Variants in GABRA2 observed in about 807,000 individuals in gnomAD.
GABRA2 encodes the protein gamma-aminobutyric acid receptor subunit alpha-2.
Under a neutral mutation model 48.7 loss-of-function variants are expected in GABRA2, and 16 were observed. The ratio of observed to expected loss-of-function variants is 0.33; its 90% CI spans 0.22 to 0.50. GABRA2 has a LOEUF of 0.50. Ranked by LOEUF, GABRA2 falls within the 20% of genes least tolerant of loss-of-function variation. The probability of loss-of-function intolerance (pLI) is 0.98; values close to 1 mark genes in which losing one functional copy is unlikely to be tolerated. For missense variants in GABRA2, 275 were observed against 535.6 expected, an observed-to-expected ratio of 0.51 and a Z score of 4.80; for synonymous variants, 185 against 184.5, an observed-to-expected ratio of 1.00 and a Z score of -0.02.
intron 3 of GABRA2, among the ~76,000 whole-genome samples, chr4:46,373,022 C>T (rs1439039314): frequency 6.6e-6 from 1 of 152,194 alleles, no homozygotes; most frequent in African/African-American, 2.4e-5. Flanking sequence ...AGTGGCAACA[C>T]AGGCAGAAAT....
At chr4:46,332,390 A>T (rs1042136387) in intron 4 of GABRA2, among the ~76,000 whole-genome samples, 86 of 152,274 alleles carry the variant, frequency 5.6e-4, no homozygotes, top group African/African-American at 2.0e-3. Context: ...GTAGTTAGGT[A>T]GACATGTTTT....
chr4:46,292,046 G>A (rs2196882), intron 8 of GABRA2, among the ~76,000 whole-genome samples: 1 of 151,382 alleles, frequency 6.6e-6, no homozygotes, highest in Non-Finnish European at 1.5e-5. Flanking sequence ...AGAGAGTTAC[G>A]CCAAATGAGT....
intron 8 of GABRA2, among the ~76,000 whole-genome samples, chr4:46,265,436 A>G (rs2109368282): frequency 7.5e-6 from 1 of 133,670 alleles, no homozygotes; most frequent in African/African-American, 3.4e-5. Flanking sequence ...GTATATATAT[A>G]TAATATATTG....
chr4:46,382,112 C>CA (rs1020040597), intron 3 of GABRA2, among the ~76,000 whole-genome samples: 60 of 151,884 alleles, frequency 4.0e-4, no homozygotes, highest in Admixed American at 1.2e-3. Flanking sequence ...ATAGAGCATA[C>CA]ATTCTAGCAA....
chr4:46,292,367 C>T (rs761724632), intron 8 of GABRA2, among the ~76,000 whole-genome samples: 14 of 151,826 alleles, frequency 9.2e-5, no homozygotes, highest in African/African-American at 1.9e-4. Context: ...TGACCTGCAA[C>T]GAAAGGTGCA....
chr4:46,248,208 A>C lies in GABRA2; in HGVS notation c.*2100T>G, dbSNP rs1444559218. On this transcript the variant is annotated 3_prime_UTR_variant, in exon 10 of 10. Coordinates refer to ENST00000381620, the MANE Select transcript of GABRA2 (RefSeq NM_000807.4). ...GGGGGCAATGCGGACTTTACAAGAC[A>C]AATATTCTTAAAGTATCTAATAATG... 1.3e-5 allele frequency among the ~76,000 whole-genome samples: 2 copies of C among 151,352 alleles called. No homozygotes were observed. Among genetic ancestry groups the C allele is most frequent in the African/African-American group, 2.4e-5 (1 of 41,370 alleles).
chr4:46,296,890 T>C (rs1440482939), intron 8 of GABRA2, among the ~76,000 whole-genome samples: 1 of 152,216 alleles, frequency 6.6e-6, no homozygotes, highest in African/African-American at 2.4e-5. Flanking sequence ...TCGTTTTTCA[T>C]GCTGTACAAG....
At chr4:46,261,589 T>C in intron 9 of GABRA2, 1 of 395,872 alleles carries the variant, frequency 2.5e-6, no homozygotes, top group Non-Finnish European at 4.6e-6. Context: ...AAAATAACTT[T>C]ACTGCTTCAG....
intron 8 of GABRA2, among the ~76,000 whole-genome samples, chr4:46,297,833 T>C (rs970185113): frequency 3.9e-5 from 6 of 152,046 alleles, no homozygotes; most frequent in Non-Finnish European, 8.8e-5. Context: ...TAGAGTGTTA[T>C]TTGAGATCTT....
At chr4:46,377,267 C>T (rs1037802224) in intron 3 of GABRA2, among the ~76,000 whole-genome samples, 1 of 150,468 alleles carries the variant, frequency 6.6e-6, no homozygotes, top group African/African-American at 2.4e-5. Flanking sequence ...TCTGCCCGGC[C>T]GCCATCCCAT....
At chr4:46,282,860 C>A (rs1721792753) in intron 8 of GABRA2, among the ~76,000 whole-genome samples, 1 of 152,128 alleles carries the variant, frequency 6.6e-6, no homozygotes, top group Non-Finnish European at 1.5e-5. Flanking sequence ...TGAGTGTGTA[C>A]ACACAAGTTT....
At chr4:46,346,969 T>C (rs747854209) in intron 3 of GABRA2, among the ~76,000 whole-genome samples, 11 of 151,938 alleles carry the variant, frequency 7.2e-5, no homozygotes, top group Non-Finnish European at 1.0e-4. Context: ...GTAGCATTTC[T>C]ATATACTAAC....
At chr4:46,377,874 C>T (rs1350756052) in intron 3 of GABRA2, among the ~76,000 whole-genome samples, 8 of 150,486 alleles carry the variant, frequency 5.3e-5, no homozygotes, top group African/African-American at 9.8e-5. Flanking sequence ...GTCAGCCCCC[C>T]GCCCAGCTAG....
At chr4:46,365,012 A>C (rs1713827728) in intron 3 of GABRA2, 1 of 152,176 alleles carries the variant, frequency 6.6e-6, no homozygotes, top group Admixed American at 6.6e-5. Flanking sequence ...TACCTTTTTT[A>C]AGTTTTGAAG....
chr4:46,289,257 T>C (rs1269703181), intron 8 of GABRA2, among the ~76,000 whole-genome samples: 1 of 152,254 alleles, frequency 6.6e-6, no homozygotes, highest in Non-Finnish European at 1.5e-5. Flanking sequence ...TGCCTGTGCA[T>C]GTTCATTGCA....
Position 46,303,625 on chromosome 4 carries a change from T to G in GABRA2, c.704-13A>C. ...ACAGTATATTCACCTGGAAGAAAAA[T>G]TTAAGAAGCTCAAGGAGTAATAGTC... On this transcript the variant is annotated splice_polypyrimidine_tract_variant and intron_variant, in intron 7 of 9. Coordinates refer to ENST00000381620, the MANE Select transcript of GABRA2 (RefSeq NM_000807.4). 1 of 1,610,268 alleles carries G rather than the reference T, an allele frequency of 6.2e-7. No homozygotes were observed. The highest frequency in any genetic ancestry group is 8.5e-7 in the Non-Finnish European group (1 of 1,176,918).
rs1401252915 is a variant in GABRA2 at position 46,256,219 on chromosome 4, G to C, written c.1060-5615C>G. 8 of 686,132 alleles carry C rather than the reference G, an allele frequency of 1.2e-5. No individual in the cohort carries two copies. Among genetic ancestry groups the C allele is most frequent in the Non-Finnish European group, 2.1e-5 (8 of 376,178 alleles). 42.5% of individuals were successfully genotyped at this position (686,132 alleles called of 1,614,324 possible). A position where few individuals can be genotyped will look rare whatever the true frequency, so the allele number is the denominator to read the frequency against. ...CAGAAGATTGTTTGAAGGTTAAACAGTCCATCCACTTCTCTAAGTACTCTA... is the reference window on the plus strand; with the variant it reads ...CAGAAGATTGTTTGAAGGTTAAACACTCCATCCACTTCTCTAAGTACTCTA... On this transcript the variant is annotated intron_variant, in intron 9 of 9. Transcript: ENST00000381620.
intron 9 of GABRA2, among the ~76,000 whole-genome samples, chr4:46,257,973 C>T (rs1179857727): frequency 2.6e-5 from 4 of 151,658 alleles, no homozygotes; most frequent in African/African-American, 4.8e-5. Context: ...GATATAAAAT[C>T]TATTTTATTT....
Position 46,250,284 on chromosome 4 carries a change from C to T in GABRA2, c.*24G>A, listed in dbSNP as rs1422586953. The T allele has an allele frequency of 6.3e-7, 1 of 1,589,060 alleles. No homozygotes were observed. The highest frequency in any genetic ancestry group is 8.6e-7 in the Non-Finnish European group (1 of 1,166,576). On this transcript the variant is annotated 3_prime_UTR_variant, in exon 10 of 10. Coordinates refer to ENST00000381620, the MANE Select transcript of GABRA2 (RefSeq NM_000807.4). ...AACCAAATTTAATGTTGCTATACAT[C>T]CCAAAGATAACATGGGTCTCAATTC...
Sources: allele counts gnomAD v4.1 joint callset (sites outside exome capture counted in the v4.1 genomes callset), GRCh38; gene constraint gnomAD v4.1.1; transcripts MANE v1.5; gene names NCBI Gene and HGNC (gene_info 2026-07-23, HGNC 2026-07-21).